COL23A1: variants seen among roughly 807,000 people sequenced by gnomAD.
The protein encoded by COL23A1 is collagen alpha-1(XXIII) chain.
In COL23A1, 97 loss-of-function variants were observed where a neutral mutation model predicts 99.3. The observed-to-expected ratio is 0.98, with a 90% CI of 0.83 to 1.16. The LOEUF (loss-of-function observed/expected upper bound fraction) is 1.16, where lower values mean the gene tolerates loss of function less well. Among genes scored for constraint, COL23A1 ranks in the 50% most tolerant of loss-of-function variants. COL23A1 has a pLI of 0.00. For missense variants in COL23A1, 762 were observed against 757.4 expected, an observed-to-expected ratio of 1.01 and a Z score of -0.07; for synonymous variants, 320 against 308.2, an observed-to-expected ratio of 1.04 and a Z score of -0.40.
intron 2 of COL23A1, among the ~76,000 whole-genome samples, chr5:178,375,336 A>T (rs1291327471): frequency 6.6e-6 from 1 of 152,164 alleles, no homozygotes; most frequent in Non-Finnish European, 1.5e-5. Context: ...AGGTCCTAAA[A>T]CGGACATCTC....
At position 178,245,959 on chromosome 5, in the gene COL23A1, C is replaced by A. The variant is rs774528891; in HGVS notation, c.1423G>T (p.Gly475Trp). ...PGTKGEKGRP[G>W]EPGLDGFPGP... ...ACACTTACATCTAGTCCTGGCTCCCCGGGTCTGCCCTGAGGAGAGACACAG... is the reference window on the plus strand; with the variant it reads ...ACACTTACATCTAGTCCTGGCTCCCAGGGTCTGCCCTGAGGAGAGACACAG... The change falls in exon 25 of 29, where the codon GGG becomes TGG. Residue 475 changes from glycine (G) to tryptophan (W), a missense_variant. By Grantham distance (184) the Gly-to-Trp change is radical. Transcript: ENST00000390654. The A allele has an allele frequency of 3.7e-6, 6 of 1,614,124 alleles. No homozygotes were observed. The highest frequency in any genetic ancestry group is 1.3e-5 in the African/African-American group (1 of 75,048).
intron 2 of COL23A1, among the ~76,000 whole-genome samples, chr5:178,461,067 C>T (rs1756095683): frequency 6.6e-6 from 1 of 152,226 alleles, no homozygotes; most frequent in African/African-American, 2.4e-5. Context: ...AGCCACTTTA[C>T]ATTTTTGGCA....
chr5:178,480,845 T>C (rs1043319613), intron 2 of COL23A1, among the ~76,000 whole-genome samples: 4 of 152,142 alleles, frequency 2.6e-5, no homozygotes, highest in Non-Finnish European at 5.9e-5. Context: ...ATTCTTAACA[T>C]CAACATTAAA....
intron 2 of COL23A1, among the ~76,000 whole-genome samples, chr5:178,337,770 T>C (rs1323820654): frequency 6.6e-6 from 1 of 152,144 alleles, no homozygotes; most frequent in Non-Finnish European, 1.5e-5. Context: ...TCACTCACTG[T>C]CCACCATTAG....
chr5:178,550,380 A>G (rs1226418401), intron 2 of COL23A1, among the ~76,000 whole-genome samples: 3 of 152,158 alleles, frequency 2.0e-5, no homozygotes, highest in South Asian at 4.1e-4. Flanking sequence ...GACACTCAAC[A>G]GCACCCCTGC....
At chr5:178,397,985 C>T (rs1208626716) in intron 2 of COL23A1, among the ~76,000 whole-genome samples, 1 of 142,208 alleles carries the variant, frequency 7.0e-6, no homozygotes, top group African/African-American at 2.6e-5. Flanking sequence ...GACTTCATGT[C>T]AAAAAAAAAA....
Position 178,345,104 on chromosome 5 carries a change from G to A in COL23A1, c.362-38185C>T, listed in dbSNP as rs541444963. On this transcript the variant is annotated intron_variant, in intron 2 of 28. Transcript: ENST00000390654. ...TTCATCTCTTCCTGGTAATTGGCAC[G>A]ACATCTCCCAGGAAGATGGTCATCT... 6 of 594,080 alleles carry A rather than the reference G, an allele frequency of 1.0e-5. No individual in the cohort carries two copies. In the East Asian group the frequency reaches 1.3e-4, roughly 13 times the overall value. 36.8% of individuals were successfully genotyped at this position (594,080 alleles called of 1,614,324 possible). A position where few individuals can be genotyped will look rare whatever the true frequency, so the allele number is the denominator to read the frequency against.
intron 2 of COL23A1, among the ~76,000 whole-genome samples, chr5:178,558,733 G>T (rs990136374): frequency 2.0e-5 from 3 of 151,914 alleles, no homozygotes; most frequent in Non-Finnish European, 4.4e-5. Flanking sequence ...ACATTTTGCA[G>T]ATCATCTAAA....
At chr5:178,420,441 TC>T (rs1245419183) in intron 2 of COL23A1, among the ~76,000 whole-genome samples, 2 of 76,972 alleles carry the variant, frequency 2.6e-5, no homozygotes. Context: ...CCCCGCTCTT[TC>T]CTCCTCCCCT....
chr5:178,421,747 T>C (rs1262075195), intron 2 of COL23A1, among the ~76,000 whole-genome samples: 1 of 152,198 alleles, frequency 6.6e-6, no homozygotes, highest in Non-Finnish European at 1.5e-5. Flanking sequence ...CAGGCCCCTG[T>C]AATCCCAGCT....
intron 2 of COL23A1, among the ~76,000 whole-genome samples, chr5:178,478,680 C>A (rs1757162707): frequency 6.6e-6 from 1 of 152,130 alleles, no homozygotes; most frequent in Admixed American, 6.5e-5. Flanking sequence ...TTAATGTTTT[C>A]AATTAATATT....
intron 7 of COL23A1, 101 bp downstream of exon 7, chr5:178,268,629 C>T: frequency 6.7e-6 from 8 of 1,190,496 alleles, no homozygotes; most frequent in Non-Finnish European, 9.5e-6. Flanking sequence ...CTAGGAGGGG[C>T]TGTGATGTGC....
At chr5:178,462,265 C>T (rs926325056) in intron 2 of COL23A1, among the ~76,000 whole-genome samples, 6 of 152,192 alleles carry the variant, frequency 3.9e-5, no homozygotes, top group African/African-American at 1.4e-4. Flanking sequence ...CAGGCCCAAT[C>T]CCCAACACAG....
At chr5:178,251,440 C>T (rs1765025708) in intron 17 of COL23A1, among the ~76,000 whole-genome samples, 1 of 151,890 alleles carries the variant, frequency 6.6e-6, no homozygotes, top group Non-Finnish European at 1.5e-5. Context: ...TTTCTAAATC[C>T]CCAAGTATTC....
At chr5:178,545,116 A>C (rs1012411938) in intron 2 of COL23A1, among the ~76,000 whole-genome samples, 10 of 151,642 alleles carry the variant, frequency 6.6e-5, no homozygotes, top group Admixed American at 5.9e-4. Flanking sequence ...AAAAATAAAT[A>C]AAGTAGTACA....
chr5:178,329,918 C>T (rs1290076040), intron 2 of COL23A1, among the ~76,000 whole-genome samples: 1 of 144,440 alleles, frequency 6.9e-6, no homozygotes, highest in African/African-American at 2.6e-5. Context: ...GCGTGGATGA[C>T]ACAGTGAGAT....
At chr5:178,257,281 A>T (rs551780018) in intron 13 of COL23A1, among the ~76,000 whole-genome samples, 2 of 152,154 alleles carry the variant, frequency 1.3e-5, no homozygotes, top group African/African-American at 4.8e-5. Context: ...CAGGGCAGAG[A>T]GTGAGGCCCC....
rs925786163 is a variant in COL23A1 at position 178,255,538 on chromosome 5, C to T, written c.883-512G>A. 2.6e-5 allele frequency among the ~76,000 whole-genome samples: 4 copies of T among 152,122 alleles called. No individual in the cohort carries two copies. The highest frequency in any genetic ancestry group is 6.5e-5 in the Admixed American group (1 of 15,284). On this transcript the variant is annotated intron_variant, in intron 15 of 28. Coordinates refer to ENST00000390654, the MANE Select transcript of COL23A1 (RefSeq NM_173465.4). The surrounding 1 kb of genome is among the most constrained non-coding windows in gnomAD (Gnocchi z 4.2). ...GCTGCACACTCATTGTGCACACTCA[C>T]ACGTGCACGCATGGCTGCTGGCCAG...
At chr5:178,263,375 C>T in intron 8 of COL23A1, 51 bp from the exon 9 acceptor site, 1 of 1,190,064 alleles carries the variant, frequency 8.4e-7, no homozygotes, top group Non-Finnish European at 1.2e-6. Context: ...GGTCCAGCCT[C>T]CAGAGAGAGG....
Sources: gnomAD v4.1 joint callset for allele counts (sites outside exome capture counted in the v4.1 genomes callset) on GRCh38, gnomAD v4.1.1 for gene constraint, Gnocchi (gnomAD v3.1) non-coding constraint, MANE v1.5 for transcripts, NCBI Gene and HGNC (gene_info 2026-07-23, HGNC 2026-07-21) for gene names.